The following TMEM64 variants were observed in gnomAD, a reference collection of about 807,000 sequenced individuals.
TMEM64 encodes the protein transmembrane protein 64.
TMEM64 carries 19 observed loss-of-function variants against 24.5 expected under a neutral mutation model. The ratio of observed to expected loss-of-function variants is 0.78; its 90% CI spans 0.54 to 1.14. The LOEUF (loss-of-function observed/expected upper bound fraction) is 1.14. TMEM64 is among the 50% of genes most tolerant of loss of function. The pLI is 0.00. For synonymous variants in TMEM64, 262 were observed against 224.7 expected, an observed-to-expected ratio of 1.17 and a Z score of -1.49; for missense variants, 487 against 493.0, an observed-to-expected ratio of 0.99 and a Z score of 0.12.
intron 1 of TMEM64, among the ~76,000 whole-genome samples, chr8:90,632,154 T>C (rs1809448980): frequency 6.6e-6 from 1 of 152,194 alleles, no homozygotes; most frequent in South Asian, 2.1e-4. Context: ...AATATCTGTT[T>C]TGCTTTGTCT....
Position 90,625,867 on chromosome 8 carries a change from G to T in TMEM64, c.952-5C>A. The stretch of plus-strand genomic sequence containing the variant: ...GAGGCCTATACTTATAATAATCTGT[G>T]AATAAAAATAAAACATTACAGTTAT... On this transcript the variant is annotated splice_polypyrimidine_tract_variant and splice_region_variant and intron_variant, in intron 2 of 2. Transcript: ENST00000458549. The T allele has an allele frequency of 6.5e-7, 1 of 1,547,548 alleles. No individual in the cohort carries two copies. The highest frequency in any genetic ancestry group is 8.8e-7 in the Non-Finnish European group (1 of 1,140,866).
chr8:90,633,884 A>C (rs921434705), intron 1 of TMEM64, among the ~76,000 whole-genome samples: 7 of 152,138 alleles, frequency 4.6e-5, no homozygotes, highest in African/African-American at 1.7e-4. Context: ...AACTATTTAT[A>C]TAGTGAGGGC....
chr8:90,633,623 G>T (rs1346055341), intron 1 of TMEM64, among the ~76,000 whole-genome samples: 3 of 152,176 alleles, frequency 2.0e-5, no homozygotes, highest in Non-Finnish European at 2.9e-5. Context: ...TGTTCACAAT[G>T]ATTTAACACA....
At chr8:90,639,820 G>A (rs1809576790) in intron 1 of TMEM64, among the ~76,000 whole-genome samples, 1 of 152,094 alleles carries the variant, frequency 6.6e-6, no homozygotes, top group South Asian at 2.1e-4. Flanking sequence ...CATACAGACA[G>A]AAAAAACAAA....
intron 1 of TMEM64, among the ~76,000 whole-genome samples, chr8:90,636,564 T>C (rs1809521871): frequency 6.6e-6 from 1 of 152,226 alleles, no homozygotes; most frequent in Non-Finnish European, 1.5e-5. Flanking sequence ...TATTTTAATA[T>C]GGCATTTTCT....
In TMEM64 at chr8:90,631,583, C is replaced by G; in HGVS notation, c.920G>C (p.Ser307Thr). 1 of 1,610,146 alleles carries G rather than the reference C, an allele frequency of 6.2e-7. No individual in the cohort carries two copies. Among genetic ancestry groups the G allele is most frequent in the Non-Finnish European group, 8.5e-7 (1 of 1,177,010 alleles). Reference sequence around the variant, plus strand: ...ACAAAAAACAAAATATCCACTAACACTCTGTTCTGCAATGACATCTTCCAT... The same window carrying G: ...ACAAAAAACAAAATATCCACTAACAGTCTGTTCTGCAATGACATCTTCCAT... ...RTMEDVIAEQ[S>T]VSGYFVFCLQ... Residue 307 changes from serine (S) to threonine (T), a missense_variant, in exon 2 of 3, where the codon AGT (serine) becomes ACT (threonine). Around this residue, in one of 3 missense-constraint regions of TMEM64, gnomAD observed 419 missense variants for 407.5 expected, o/e 1.03. Coordinates refer to ENST00000458549, the MANE Select transcript of TMEM64 (RefSeq NM_001008495.4).
In TMEM64 at chr8:90,624,925, T is replaced by C. The variant is rs1422915115; in HGVS notation, c.*746A>G. On this transcript the variant is annotated 3_prime_UTR_variant, in exon 3 of 3. Transcript: ENST00000458549. ...CCTTTGATGAAAAATCTAAGGAGGGTAAAGCCAATGTAACTGAATTAGAAC... is the reference window on the plus strand; with the variant it reads ...CCTTTGATGAAAAATCTAAGGAGGGCAAAGCCAATGTAACTGAATTAGAAC... The C allele has an allele frequency of 6.6e-6, 1 of 152,492 alleles. No homozygotes were observed. The highest frequency in any genetic ancestry group is 1.9e-4 in the East Asian group (1 of 5,186). 9.4% of individuals were successfully genotyped at this position (152,492 alleles called of 1,614,324 possible). A position where few individuals can be genotyped will look rare whatever the true frequency, so the allele number is the denominator to read the frequency against.
intron 1 of TMEM64, among the ~76,000 whole-genome samples, chr8:90,635,978 A>T (rs1809512060): frequency 1.3e-5 from 2 of 152,194 alleles, no homozygotes; most frequent in Admixed American, 1.3e-4. Context: ...AGATTTCCTA[A>T]ATGTGAAACA....
chr8:90,645,846 G>A lies in TMEM64; in HGVS notation c.60C>T (p.Ala20=), dbSNP rs1335804598. The change falls in exon 1 of 3, where the codon GCC becomes GCT. Residue 20 remains alanine (A), a synonymous_variant. Coordinates refer to ENST00000458549, the MANE Select transcript of TMEM64 (RefSeq NM_001008495.4). The surrounding 1 kb of genome is among the most constrained non-coding windows in gnomAD (Gnocchi z 4.2). ...QALPRLLQHA[A]LPGLAELPAR... is the part of the protein sequence containing the mutation. ...CCGGCAGCTCGGCGAGGCCCGGGAG[G>A]GCGGCGTGCTGCAGCAGCCGGGGCA... 1.3e-5 allele frequency: 14 copies of A among 1,115,732 alleles called. No homozygotes were observed. The highest frequency in any genetic ancestry group is 1.5e-5 in the Non-Finnish European group (14 of 914,206). The allele number at this position is 1,115,732 out of a possible 1,614,324, so 69.1% of individuals were successfully genotyped here.
In TMEM64 at chr8:90,624,447, A is replaced by C. The variant is rs1809325014; in HGVS notation, c.*1224T>G. 2.0e-5 allele frequency: 3 copies of C among 152,476 alleles called. No homozygotes were observed. Among genetic ancestry groups the C allele is most frequent in the African/African-American group, 7.2e-5 (3 of 41,446 alleles). 9.4% of individuals were successfully genotyped at this position (152,476 alleles called of 1,614,324 possible). ...ACTATTTTAAAAATAAAACGAATAC[A>C]TATGTAATATGAATCATATGCCAAA... is the stretch of plus-strand genomic sequence containing the variant. On this transcript the variant is annotated 3_prime_UTR_variant, in exon 3 of 3. Transcript: ENST00000458549.
At chr8:90,643,083 A>G (rs1809631275) in intron 1 of TMEM64, among the ~76,000 whole-genome samples, 1 of 152,258 alleles carries the variant, frequency 6.6e-6, no homozygotes, top group African/African-American at 2.4e-5. Context: ...AATCAAAAGA[A>G]AAGCCTACCT....
intron 1 of TMEM64, among the ~76,000 whole-genome samples, chr8:90,636,256 T>C (rs529788835): frequency 6.6e-6 from 1 of 152,296 alleles, no homozygotes; most frequent in Non-Finnish European, 1.5e-5. Flanking sequence ...TTTATTTTTG[T>C]TTTATATATA....
At chr8:90,642,451 A>G (rs1809619186) in intron 1 of TMEM64, among the ~76,000 whole-genome samples, 1 of 152,046 alleles carries the variant, frequency 6.6e-6, no homozygotes, top group Non-Finnish European at 1.5e-5. Flanking sequence ...TTTCAAAGAT[A>G]GGGAGGGATG....
chr8:90,637,610 C>A (rs1809543740), intron 1 of TMEM64, among the ~76,000 whole-genome samples: 2 of 151,872 alleles, frequency 1.3e-5, no homozygotes, highest in South Asian at 4.1e-4. Flanking sequence ...ATGAAAAAAT[C>A]ATGAATCCCT....
At chr8:90,640,116 C>T (rs1283086725) in intron 1 of TMEM64, among the ~76,000 whole-genome samples, 1 of 152,160 alleles carries the variant, frequency 6.6e-6, no homozygotes, top group East Asian at 1.9e-4. Context: ...CTTGTTCATC[C>T]TATCTGACCC....
chr8:90,622,416 A>G lies in TMEM64; in HGVS notation c.*3255T>C, dbSNP rs1809295320. ...CTGGCTGAAACAAAATTCCACCACC[A>G]AGGCCATCAACCAGGTTAGTACTGT... is the stretch of plus-strand genomic sequence containing the variant. On this transcript the variant is annotated 3_prime_UTR_variant, in exon 3 of 3. Coordinates refer to ENST00000458549, the MANE Select transcript of TMEM64 (RefSeq NM_001008495.4). The G allele has an allele frequency of 6.6e-6, 1 of 152,228 alleles. No individual in the cohort carries two copies. The highest frequency in any genetic ancestry group is 2.1e-4 in the South Asian group (1 of 4,832). 9.4% of individuals were successfully genotyped at this position (152,228 alleles called of 1,614,324 possible).
At chr8:90,632,135 CTG>C (rs1809448709) in intron 1 of TMEM64, among the ~76,000 whole-genome samples, 1 of 152,160 alleles carries the variant, frequency 6.6e-6, no homozygotes, top group African/African-American at 2.4e-5. Flanking sequence ...ATATGCTACT[CTG>C]TCTCTAAATA....
In TMEM64 at chr8:90,636,555, A is replaced by G. The variant is rs568696184; in HGVS notation, c.796-4848T>C. Among the ~76,000 whole-genome samples the G allele has an allele frequency of 9.1e-4, 138 of 152,290 alleles. 1 individual carries two copies. Among genetic ancestry groups the G allele is most frequent in the African/African-American group, 3.1e-3 (130 of 41,574 alleles). On this transcript the variant is annotated intron_variant, in intron 1 of 2. Coordinates refer to ENST00000458549, the MANE Select transcript of TMEM64 (RefSeq NM_001008495.4). Reference sequence around the variant, plus strand: ...ACGCGTGAGCCACTGCACCTGGTCTATTTTAATATGGCATTTTCTATAAGC... The same window carrying G: ...ACGCGTGAGCCACTGCACCTGGTCTGTTTTAATATGGCATTTTCTATAAGC...
At chr8:90,630,766 A>C (rs1033240401) in intron 2 of TMEM64, among the ~76,000 whole-genome samples, 5 of 152,236 alleles carry the variant, frequency 3.3e-5, no homozygotes, top group African/African-American at 2.4e-5. Flanking sequence ...GTGGCATATA[A>C]AGCATGGAAT....
Sources: allele counts gnomAD v4.1 joint callset (sites outside exome capture counted in the v4.1 genomes callset), GRCh38; gene constraint gnomAD v4.1.1; regional missense constraint gnomAD v4.1.1; non-coding constraint Gnocchi (gnomAD v3.1); transcripts MANE v1.5; gene names NCBI Gene and HGNC (gene_info 2026-07-23, HGNC 2026-07-21).